The following CYP11A1 variants were observed in gnomAD, a reference collection of about 807,000 sequenced individuals.
The protein encoded by CYP11A1 is cholesterol side-chain cleavage enzyme, mitochondrial.
CYP11A1 carries 25 observed loss-of-function variants against 51.9 expected under a neutral mutation model. The ratio of observed to expected loss-of-function variants is 0.48; its 90% confidence interval spans 0.35 to 0.67. CYP11A1 has a LOEUF of 0.67. Ranked by LOEUF, CYP11A1 falls within the 30% of genes least tolerant of loss-of-function variation. The pLI is 0.00. For missense variants in CYP11A1, 578 were observed against 680.9 expected (o/e 0.85, Z 1.68); for synonymous variants, 245 against 262.1 (o/e 0.93, Z 0.63).
At chr15:74,367,207 A>G in intron 1 of CYP11A1, 110 bp downstream of exon 1, 1 of 1,079,474 alleles carries the variant, frequency 9.3e-7, no homozygotes, top group Non-Finnish European at 1.4e-6. Flanking sequence ...GAAGTTAGAC[A>G]GGAGTTTGGA....
chr15:74,366,277 ATTTTTTTT>A, intron 1 of CYP11A1: 4 of 777,760 alleles, frequency 5.1e-6, no homozygotes, highest in Non-Finnish European at 6.0e-6. Flanking sequence ...CCCTCCCCCG[ATTTTTTTT>A]TTTTTTTTTT....
intron 2 of CYP11A1, among the ~76,000 whole-genome samples, chr15:74,346,571 T>C (rs1018938093): frequency 3.9e-5 from 6 of 152,082 alleles, no homozygotes; most frequent in African/African-American, 1.4e-4. Flanking sequence ...ACGGTACCAC[T>C]GCAAACCTTC....
At chr15:74,338,278 C>T (rs914456140) in intron 8 of CYP11A1, 175 bp from the exon 9 acceptor site, 3 of 787,588 alleles carry the variant, frequency 3.8e-6, no homozygotes. Context: ...CTTAGTGCTG[C>T]ATTTCCTTGA....
At chr15:74,361,516 G>A in intron 1 of CYP11A1, 1 of 592,332 alleles carries the variant, frequency 1.7e-6, no homozygotes, top group South Asian at 1.7e-5. Context: ...CTTTGCAGAT[G>A]CCGTCACTGC....
At chr15:74,346,467 CTG>C (rs1294587698) in intron 2 of CYP11A1, among the ~76,000 whole-genome samples, 1 of 151,672 alleles carries the variant, frequency 6.6e-6, no homozygotes, top group East Asian at 1.9e-4. Flanking sequence ...CTGTGGGAGA[CTG>C]AGTCCCTTCA....
chr15:74,340,166 A>T (rs2060600003), intron 5 of CYP11A1, among the ~76,000 whole-genome samples: 1 of 152,032 alleles, frequency 6.6e-6, no homozygotes, highest in Non-Finnish European at 1.5e-5. Context: ...TTAAACAACC[A>T]CCCCTCTTTC....
chr15:74,354,817 G>A (rs1044015982), intron 1 of CYP11A1: 2 of 152,176 alleles, frequency 1.3e-5, no homozygotes, highest in African/African-American at 2.4e-5. Flanking sequence ...TTCTGGCAGA[G>A]ACAGAGGAGA....
Position 74,345,191 on chromosome 15 carries a change from C to G in CYP11A1, c.478G>C (p.Ala160Pro). Residue 160 changes from alanine to proline, a missense_variant, in exon 3 of 9, where the codon GCT (alanine) becomes CCT (proline). Transcript: ENST00000268053. This position sits in a 1 kb window ranked among gnomAD's most constrained non-coding sequence, Gnocchi z 4.3. Reference sequence around the variant, plus strand: ...AAAAAGTTCTTGGTGGCCTCTGGAGCCATCACCTCCTGGTTCAGGGCCACC... The same window carrying G: ...AAAAAGTTCTTGGTGGCCTCTGGAGGCATCACCTCCTGGTTCAGGGCCACC... ...DRVALNQEVM[A>P]PEATKNFLPL... 2 of 1,614,220 alleles carry G rather than the reference C, an allele frequency of 1.2e-6. No homozygotes were observed. Among genetic ancestry groups the G allele is most frequent in the African/African-American group, 1.3e-5 (1 of 75,050 alleles).
chr15:74,338,622 C>T lies in CYP11A1; in HGVS notation c.1383G>A (p.Gln461=), dbSNP rs2060590576. Residue 461 remains glutamine (Q), a synonymous_variant, in exon 8 of 9, where the codon CAG becomes CAA. Coordinates refer to ENST00000268053, the MANE Select transcript of CYP11A1 (RefSeq NM_000781.3). ...RNLGFGWGVR[Q]CLGRRIAELE... Reference sequence around the variant, plus strand: ...GCTCAGCGATCCGCCGTCCCAGACACTGCCGCACACCCCAGCCAAAGCCCA... The same window carrying T: ...GCTCAGCGATCCGCCGTCCCAGACATTGCCGCACACCCCAGCCAAAGCCCA... 6.2e-7 allele frequency: 1 copy of T among 1,614,200 alleles called. No individual in the cohort carries two copies. The highest frequency in any genetic ancestry group is 8.5e-7 in the Non-Finnish European group (1 of 1,180,024).
intron 5 of CYP11A1, among the ~76,000 whole-genome samples, chr15:74,339,984 G>A (rs2060599134): frequency 6.6e-6 from 1 of 152,214 alleles, no homozygotes; most frequent in Admixed American, 6.5e-5. Context: ...GGCAGCACTT[G>A]TCCCTGCCCT....
intron 5 of CYP11A1, among the ~76,000 whole-genome samples, chr15:74,342,541 G>T (rs1286734305): frequency 1.3e-5 from 2 of 152,170 alleles, no homozygotes; most frequent in African/African-American, 4.8e-5. Context: ...GGACGGCAGA[G>T]CCCACAGCAA....
chr15:74,351,599 C>G (rs1369411927), intron 1 of CYP11A1, among the ~76,000 whole-genome samples: 2 of 152,188 alleles, frequency 1.3e-5, no homozygotes, highest in Non-Finnish European at 2.9e-5. Context: ...AGATTGGACC[C>G]CACAGGAGGA....
chr15:74,366,200 G>A, intron 1 of CYP11A1: 2 of 985,448 alleles, frequency 2.0e-6, no homozygotes, highest in South Asian at 4.7e-5. Flanking sequence ...GGAATGCTGG[G>A]TCTGTCGCTA....
At chr15:74,343,192 G>A in intron 4 of CYP11A1, 55 bp from the exon 5 acceptor site, 1 of 1,593,302 alleles carries the variant, frequency 6.3e-7, no homozygotes, top group Non-Finnish European at 8.6e-7. Context: ...CGGGTGGGAA[G>A]GAGGGCAGTC....
intron 5 of CYP11A1, among the ~76,000 whole-genome samples, chr15:74,340,426 C>T (rs1356221812): frequency 6.6e-6 from 1 of 152,148 alleles, no homozygotes; most frequent in East Asian, 1.9e-4. Flanking sequence ...AAACCAGGCC[C>T]GTTTGGGACT....
At chr15:74,366,014 G>T in intron 1 of CYP11A1, 3 of 986,256 alleles carry the variant, frequency 3.0e-6, no homozygotes, top group Non-Finnish European at 2.4e-6. Context: ...GGGGCCGAGC[G>T]CCTGGACCTC....
chr15:74,367,534 T>A lies in CYP11A1; in HGVS notation c.52A>T (p.Thr18Ser). Residue 18 changes from threonine to serine, a missense_variant, in exon 1 of 9, where the codon ACC (threonine) becomes TCC (serine). Transcript: ENST00000268053. Reference sequence around the variant, plus strand: ...CCCTCCCTGGGGGCACTCAGAAAGGTCTGGCAGCCTTTGACCAGGACTGAG... The same window carrying A: ...CCCTCCCTGGGGGCACTCAGAAAGGACTGGCAGCCTTTGACCAGGACTGAG... ...PRSVLVKGCQ[T>S]FLSAPREGLG... 1.2e-6 allele frequency: 2 copies of A among 1,614,142 alleles called. No homozygotes were observed. The highest frequency in any genetic ancestry group is 2.2e-5 in the South Asian group (2 of 91,080).
intron 1 of CYP11A1, among the ~76,000 whole-genome samples, chr15:74,355,361 C>T (rs535149112): frequency 1.3e-5 from 2 of 152,326 alleles, no homozygotes; most frequent in South Asian, 4.1e-4. Context: ...TAATTCTTGT[C>T]ATAAAATGGG....
intron 1 of CYP11A1, chr15:74,365,598 G>C (rs2060728587): frequency 1.2e-6 from 1 of 833,318 alleles, no homozygotes; most frequent in Non-Finnish European, 1.4e-6. Context: ...TGGGATCTGG[G>C]GAAGGTTGAG....
Sources: gnomAD v4.1 joint callset for allele counts (sites outside exome capture counted in the v4.1 genomes callset) on GRCh38, gnomAD v4.1.1 for gene constraint, Gnocchi (gnomAD v3.1) non-coding constraint, MANE v1.5 for transcripts, NCBI Gene and HGNC (gene_info 2026-07-23, HGNC 2026-07-21) for gene names.